CARMIL1: variants seen among roughly 807,000 people sequenced by gnomAD.
The protein encoded by CARMIL1 is capping protein regulator and myosin 1 linker 1, also known as F-actin-uncapping protein LRRC16A.
A neutral mutation model predicts 177.1 loss-of-function variants in CARMIL1; 90 were observed. The observed-to-expected ratio is 0.51, with a 90% CI of 0.43 to 0.61. The LOEUF is 0.61. CARMIL1 is among the 20% of genes least tolerant of loss of function. The pLI is 0.00. For missense variants in CARMIL1, 1,380 were observed against 1,667.0 expected (o/e 0.83, Z 3.00); for synonymous variants, 577 against 606.2 (o/e 0.95, Z 0.71).
intron 2 of CARMIL1, among the ~76,000 whole-genome samples, chr6:25,290,079 C>T (rs538128336): frequency 6.6e-6 from 1 of 152,264 alleles, no homozygotes; most frequent in East Asian, 1.9e-4. Flanking sequence ...AAATCCTTGG[C>T]AGCATTTGTC....
intron 2 of CARMIL1, among the ~76,000 whole-genome samples, chr6:25,305,040 A>G (rs1266196739): frequency 6.6e-6 from 1 of 152,198 alleles, no homozygotes; most frequent in Non-Finnish European, 1.5e-5. Context: ...GCTTTTCTGA[A>G]CATGTTTAGC....
chr6:25,609,640 A>G (rs1816337747), intron 35 of CARMIL1, among the ~76,000 whole-genome samples: 1 of 152,208 alleles, frequency 6.6e-6, no homozygotes, highest in Non-Finnish European at 1.5e-5. Flanking sequence ...GCATACACAT[A>G]CACACATATG....
At chr6:25,318,799 T>G (rs1022059786) in intron 2 of CARMIL1, among the ~76,000 whole-genome samples, 2 of 152,190 alleles carry the variant, frequency 1.3e-5, no homozygotes, top group Non-Finnish European at 2.9e-5. Context: ...CTGGGGGGTC[T>G]GGATGTCGGC....
intron 27 of CARMIL1, among the ~76,000 whole-genome samples, 193 bp downstream of exon 27, chr6:25,551,278 G>C (rs1169862709): frequency 6.6e-6 from 1 of 152,148 alleles, no homozygotes; most frequent in African/African-American, 2.4e-5. Flanking sequence ...AGATGATCAC[G>C]TAAATGCCTG....
At chr6:25,604,504 C>T (rs932960813) in intron 33 of CARMIL1, among the ~76,000 whole-genome samples, 2 of 152,258 alleles carry the variant, frequency 1.3e-5, no homozygotes, top group Non-Finnish European at 2.9e-5. Flanking sequence ...ACAAGAAAAA[C>T]AGTAAAGGTC....
In CARMIL1 at chr6:25,279,738, G is replaced by A; in HGVS notation, c.-58G>A. 1 of 1,549,588 alleles carries A rather than the reference G, an allele frequency of 6.5e-7. No homozygotes were observed. The highest frequency in any genetic ancestry group is 8.9e-7 in the Non-Finnish European group (1 of 1,121,196). ...AAAAAATTGAGGAGTTCGGGGAAGG[G>A]CAGGGGGCCATAAATCAGAGTTGGA... On this transcript the variant is annotated 5_prime_UTR_variant, in exon 1 of 37. Transcript: ENST00000329474.
chr6:25,509,704 CACA>C lies in CARMIL1; in HGVS notation c.1448_1450del (p.Asn483del), dbSNP rs747726278. 1.2e-6 allele frequency: 2 copies of C among 1,602,186 alleles called. No individual in the cohort carries two copies. The highest frequency in any genetic ancestry group is 1.7e-5 in the Admixed American group (1 of 58,694). On this transcript the variant is annotated inframe_deletion, in exon 18 of 37. Coordinates refer to ENST00000329474, the MANE Select transcript of CARMIL1 (RefSeq NM_017640.6). This position sits in a 1 kb window ranked among gnomAD's most constrained non-coding sequence, Gnocchi z 4.1. Reference sequence around the variant, plus strand: ...ATTAGAAGGTTGCATTGCTGAAATACACAACATCACCAGCTTAGACATCTCTGA... The same window carrying C: ...ATTAGAAGGTTGCATTGCTGAAATACACATCACCAGCTTAGACATCTCTGA...
At chr6:25,406,912 G>A (rs1354612113) in intron 2 of CARMIL1, among the ~76,000 whole-genome samples, 1 of 152,056 alleles carries the variant, frequency 6.6e-6, no homozygotes, top group African/African-American at 2.4e-5. Flanking sequence ...AGTCATGAGA[G>A]AGAATGAATG....
At chr6:25,369,473 G>A (rs1249316375) in intron 2 of CARMIL1, among the ~76,000 whole-genome samples, 1 of 150,728 alleles carries the variant, frequency 6.6e-6, no homozygotes, top group Non-Finnish European at 1.5e-5. Flanking sequence ...ACATTGCTTG[G>A]CTGCTACATT....
intron 22 of CARMIL1, among the ~76,000 whole-genome samples, chr6:25,517,661 A>G (rs10946784): frequency 0.16 from 25,027 of 152,142 alleles, 2,314 homozygotes; most frequent in East Asian, 0.41. Context: ...CTGTCGTGAG[A>G]ATTAAATGAG....
chr6:25,534,345 T>G (rs1808075587), intron 24 of CARMIL1, among the ~76,000 whole-genome samples: 1 of 152,114 alleles, frequency 6.6e-6, no homozygotes, highest in South Asian at 2.1e-4. Context: ...AGTGCTATAC[T>G]GTCCTGCCTT....
At chr6:25,532,309 C>T (rs1288522212) in intron 24 of CARMIL1, among the ~76,000 whole-genome samples, 1 of 152,088 alleles carries the variant, frequency 6.6e-6, no homozygotes, top group East Asian at 1.9e-4. Flanking sequence ...CAGCAGCAAC[C>T]TTTAATGCTT....
At chr6:25,599,449 G>T (rs1815177754) in intron 32 of CARMIL1, among the ~76,000 whole-genome samples, 1 of 152,150 alleles carries the variant, frequency 6.6e-6, no homozygotes, top group South Asian at 2.1e-4. Flanking sequence ...GGAGCTAAGT[G>T]GATATTCAGT....
At chr6:25,366,486 C>T (rs1036443454) in intron 2 of CARMIL1, among the ~76,000 whole-genome samples, 6 of 151,832 alleles carry the variant, frequency 4.0e-5, no homozygotes, top group African/African-American at 1.5e-4. Flanking sequence ...CTCCATCACA[C>T]TTTGATCAGC....
chr6:25,372,236 G>A (rs1223511655), intron 2 of CARMIL1, among the ~76,000 whole-genome samples: 2 of 151,108 alleles, frequency 1.3e-5, no homozygotes, highest in Non-Finnish European at 2.9e-5. Context: ...GGCTATTCAG[G>A]TTCTTTTTGG....
chr6:25,407,613 G>A (rs186274111), intron 2 of CARMIL1, among the ~76,000 whole-genome samples: 4 of 152,298 alleles, frequency 2.6e-5, no homozygotes, highest in Non-Finnish European at 5.9e-5. Context: ...AGCTGTGCTT[G>A]GCAGCTACCA....
intron 2 of CARMIL1, among the ~76,000 whole-genome samples, chr6:25,392,054 A>ATGTGTGTGTG (rs36076582): frequency 8.6e-5 from 12 of 139,256 alleles, no homozygotes; most frequent in African/African-American, 2.4e-4. Flanking sequence ...GTGTATATGC[A>ATGTGTGTGTG]TGTGTGTGTG....
chr6:25,378,966 A>T (rs1464208636), intron 2 of CARMIL1, among the ~76,000 whole-genome samples: 1 of 151,848 alleles, frequency 6.6e-6, no homozygotes, highest in Non-Finnish European at 1.5e-5. Flanking sequence ...TATTCTTGGA[A>T]CCAGACAGAC....
At chr6:25,296,111 C>G (rs770329415) in intron 2 of CARMIL1, among the ~76,000 whole-genome samples, 13 of 152,230 alleles carry the variant, frequency 8.5e-5, no homozygotes, top group African/African-American at 3.1e-4. Context: ...TCTTCCCAGA[C>G]AGTTCTGAAG....
Sources: gnomAD v4.1 joint callset for allele counts (sites outside exome capture counted in the v4.1 genomes callset) on GRCh38, gnomAD v4.1.1 for gene constraint, Gnocchi (gnomAD v3.1) non-coding constraint, MANE v1.5 for transcripts, NCBI Gene and HGNC (gene_info 2026-07-23, HGNC 2026-07-21) for gene names.